Variants in DMD observed in about 807,000 individuals in gnomAD.
DMD encodes the protein dystrophin, also known as mutant dystrophin.
DMD carries 63 observed loss-of-function variants against 330.1 expected under a neutral mutation model. The observed-to-expected ratio is 0.19, with a 90% CI of 0.16 to 0.24. DMD has a LOEUF of 0.24. DMD is among the 10% of genes least tolerant of loss of function. DMD has a pLI of 1.00. For synonymous variants in DMD, 1,223 were observed against 959.8 expected (o/e 1.27, Z -5.07); for missense variants, 3,344 against 2,684.1 (o/e 1.25, Z -5.43).
chrX:32,676,854 A>G (rs1313205805), intron 9 of DMD, among the ~76,000 whole-genome samples: 1 of 111,237 alleles, frequency 9.0e-6, no homozygotes, highest in Non-Finnish European at 1.9e-5. Flanking sequence ...AGTGTTAATC[A>G]TTGTCCGTAA....
chrX:31,883,174 A>G (rs1603529817), intron 47 of DMD, among the ~76,000 whole-genome samples: 1 of 112,003 alleles, frequency 8.9e-6, no homozygotes, highest in Admixed American at 9.5e-5. Flanking sequence ...GCATAGAATA[A>G]TATCACAAAA....
At chrX:32,010,540 T>G (rs6631456) in intron 44 of DMD, among the ~76,000 whole-genome samples, 67,630 of 110,867 alleles carry the variant, frequency 0.61, 17,641 homozygotes, top group Non-Finnish European at 0.81. Flanking sequence ...TCTCTACAAC[T>G]TTTGCTGAAG....
rs1392163632 is a variant in DMD, at chrX:31,627,418, G to A, written c.8217+255C>T. On this transcript the variant is annotated intron_variant, in intron 55 of 78. Coordinates refer to ENST00000357033, the MANE Select transcript of DMD (RefSeq NM_004006.3). ...CTCTGAGCAAAGTTTCTCCTTGACC[G>A]AAGCTCTGGTTTTATATGCAAATGT... Among the ~76,000 whole-genome samples the A allele has an allele frequency of 2.7e-5, 3 of 112,071 alleles. No individual in the cohort carries two copies. The Admixed American group carries it at 2.9e-4, about 11-fold the overall frequency.
chrX:31,337,560 C>T (rs1246741900), intron 61 of DMD, among the ~76,000 whole-genome samples: 1 of 112,222 alleles, frequency 8.9e-6, no homozygotes, highest in Non-Finnish European at 1.9e-5. Flanking sequence ...GATTCTTGCC[C>T]ACAGGGATGT....
At chrX:32,193,500 T>C (rs2096984961) in intron 44 of DMD, among the ~76,000 whole-genome samples, 1 of 111,870 alleles carries the variant, frequency 8.9e-6, no homozygotes, top group South Asian at 3.8e-4. Flanking sequence ...GCCTGTGTAT[T>C]GATGGTGCTT....
intron 41 of DMD, among the ~76,000 whole-genome samples, chrX:32,313,801 C>T (rs749325553): frequency 9.0e-5 from 10 of 111,003 alleles, no homozygotes; most frequent in Non-Finnish European, 1.9e-4. Context: ...TTAAAAATTG[C>T]TACAAAGAGA....
At chrX:32,186,574 TG>T (rs1375894602) in intron 44 of DMD, among the ~76,000 whole-genome samples, 1 of 111,786 alleles carries the variant, frequency 8.9e-6, no homozygotes, top group African/African-American at 3.2e-5. Context: ...TCAACAATTT[TG>T]ATTCTAGTTT....
chrX:32,720,930 T>C lies in DMD; in HGVS notation c.650-21637A>G, dbSNP rs749763515. Among the ~76,000 whole-genome samples, 12 of 111,952 alleles carry C rather than the reference T, an allele frequency of 1.1e-4. No individual in the cohort carries two copies. In the South Asian group the frequency reaches 3.3e-3, roughly 31 times the overall value. ...TTCTACTGTCTATGTATTCAACTTA[T>C]ACATTTTCTTCAGATTTCAGATGTT... On this transcript the variant is annotated intron_variant, in intron 7 of 78. Coordinates refer to ENST00000357033, the MANE Select transcript of DMD (RefSeq NM_004006.3).
At chrX:32,868,022 C>G (rs1280582752) in intron 2 of DMD, among the ~76,000 whole-genome samples, 1 of 109,893 alleles carries the variant, frequency 9.1e-6, no homozygotes, top group Admixed American at 9.7e-5. Context: ...GCACCAGCAA[C>G]AGAGGTGTCC....
chrX:32,588,770 G>A (rs993029596), intron 13 of DMD, among the ~76,000 whole-genome samples: 1 of 111,819 alleles, frequency 8.9e-6, no homozygotes, highest in African/African-American at 3.3e-5. Context: ...TACAAGATAA[G>A]GTTGAGAAAT....
chrX:31,987,582 A>G (rs1027260894), intron 44 of DMD, among the ~76,000 whole-genome samples: 1 of 112,270 alleles, frequency 8.9e-6, no homozygotes, highest in African/African-American at 3.2e-5. Context: ...TTAATACAAC[A>G]TATGAAAAAA....
At chrX:32,977,247 C>T (rs1038042464) in intron 2 of DMD, among the ~76,000 whole-genome samples, 2 of 111,022 alleles carry the variant, frequency 1.8e-5, no homozygotes, top group Non-Finnish European at 1.9e-5. Context: ...TTGCATTGAG[C>T]CGAGATCATG....
At chrX:32,677,811 CTCATTATAGCACGATTAAA>C (rs2062075125) in intron 9 of DMD, among the ~76,000 whole-genome samples, 1 of 111,578 alleles carries the variant, frequency 9.0e-6, no homozygotes, top group African/African-American at 3.3e-5. Flanking sequence ...CACTCCAGTG[CTCATTATAGCACGATTAAA>C]AATAGTCACG....
At chrX:32,335,996 ATATATAACGTTATATATAACGTG>A (rs1385870411) in intron 41 of DMD, among the ~76,000 whole-genome samples, 3 of 38,545 alleles carry the variant, frequency 7.8e-5, no homozygotes, top group African/African-American at 1.4e-4. Flanking sequence ...TATAACGTGT[ATATATAACGTTATATATAACGTG>A]TATATATAAC....
At chrX:31,894,408 C>T (rs1315508644) in intron 47 of DMD, among the ~76,000 whole-genome samples, 1 of 111,587 alleles carries the variant, frequency 9.0e-6, no homozygotes, top group Non-Finnish European at 1.9e-5. Flanking sequence ...TATGCAGCTA[C>T]ATTCCCGATG....
intron 49 of DMD, among the ~76,000 whole-genome samples, chrX:31,834,709 GGATTATAGGCATGAGCCA>G (rs2093155531): frequency 9.0e-6 from 1 of 111,561 alleles, no homozygotes; most frequent in African/African-American, 3.3e-5. Context: ...CAAAGTGCTG[GGATTATAGGCATGAGCCA>G]CCATGCCCAG....
At chrX:33,041,489 A>G (rs1427555542) in intron 1 of DMD, 1 of 1,205,246 alleles carries the variant, frequency 8.3e-7, no homozygotes, top group Non-Finnish European at 1.1e-6. Context: ...GAGGCAAAAC[A>G]ACAAGAAGAA....
chrX:31,852,875 AATTT>A (rs1423839337), intron 48 of DMD, among the ~76,000 whole-genome samples: 6 of 112,183 alleles, frequency 5.3e-5, no homozygotes, highest in African/African-American at 9.7e-5. Context: ...TTATAATTAG[AATTT>A]ATTTGTTTAT....
chrX:32,649,309 C>T (rs983770859), intron 9 of DMD, among the ~76,000 whole-genome samples: 7 of 109,925 alleles, frequency 6.4e-5, no homozygotes, highest in Admixed American at 1.9e-4. Flanking sequence ...AATCCCAGCA[C>T]TTTGGGAGGC....
Sources: gnomAD v4.1 joint callset for allele counts (sites outside exome capture counted in the v4.1 genomes callset) on GRCh38, gnomAD v4.1.1 for gene constraint, MANE v1.5 for transcripts, NCBI Gene and HGNC (gene_info 2026-07-23, HGNC 2026-07-21) for gene names.